Variants in PPARGC1A observed in about 807,000 individuals in gnomAD.
The protein encoded by PPARGC1A is peroxisome proliferator-activated receptor gamma coactivator 1-alpha.
In PPARGC1A, 25 loss-of-function variants were observed where a neutral mutation model predicts 88.7. That is an observed-to-expected ratio of 0.28 (90% CI 0.21 to 0.39). The LOEUF (loss-of-function observed/expected upper bound fraction) is 0.39. Among genes scored for constraint, PPARGC1A ranks in the 10% least tolerant of loss-of-function variants. The pLI, the probability that PPARGC1A is intolerant of heterozygous loss-of-function variation, is 1.00. For synonymous variants in PPARGC1A, 363 were observed against 355.6 expected (o/e 1.02, Z -0.24); for missense variants, 880 against 968.7 (o/e 0.91, Z 1.22).
chr4:23,831,465 A>G, intron 3 of PPARGC1A, 92 bp downstream of exon 3: 1 of 1,203,346 alleles, frequency 8.3e-7, no homozygotes, highest in Admixed American at 2.2e-5. Flanking sequence ...CTAAATGAAA[A>G]AATCCAAACC....
chr4:23,846,671 G>A (rs1200756748), intron 2 of PPARGC1A, among the ~76,000 whole-genome samples: 3 of 152,106 alleles, frequency 2.0e-5, no homozygotes, highest in Non-Finnish European at 4.4e-5. Flanking sequence ...CACCTAGCAT[G>A]TGTCGGACAC....
At chr4:24,437,919 C>G in the PPARGC1A span, among the ~76,000 whole-genome samples, 2 of 152,072 alleles carry the variant, frequency 1.3e-5, no homozygotes, top group African/African-American at 4.8e-5. Flanking sequence ...ACAGGTGATC[C>G]ACCCTCCTCA....
chr4:24,077,449 G>A, the PPARGC1A span, among the ~76,000 whole-genome samples: 3 of 151,848 alleles, frequency 2.0e-5, no homozygotes, highest in Non-Finnish European at 4.4e-5. Context: ...TATTGATTTC[G>A]AGGTAAGAGT....
chr4:24,154,067 G>T, the PPARGC1A span, among the ~76,000 whole-genome samples: 3 of 152,194 alleles, frequency 2.0e-5, no homozygotes, highest in Admixed American at 1.3e-4. Context: ...CTTTTCCCAT[G>T]CAGACACTTG....
the PPARGC1A span, among the ~76,000 whole-genome samples, chr4:24,233,097 G>A: frequency 7.5e-6 from 1 of 133,540 alleles, no homozygotes; most frequent in Non-Finnish European, 1.6e-5. Context: ...TCTTCTTAAG[G>A]AAAGGCCAGA....
chr4:24,459,763 C>G, the PPARGC1A span, among the ~76,000 whole-genome samples: 1 of 152,198 alleles, frequency 6.6e-6, no homozygotes, highest in Non-Finnish European at 1.5e-5. Flanking sequence ...TGAAATCCAG[C>G]ATGAGCGACA....
At chr4:24,324,108 AC>A in the PPARGC1A span, among the ~76,000 whole-genome samples, 1 of 151,992 alleles carries the variant, frequency 6.6e-6, no homozygotes, top group Non-Finnish European at 1.5e-5. Flanking sequence ...GTGATTATAC[AC>A]CCACGTTTCA....
the PPARGC1A span, among the ~76,000 whole-genome samples, chr4:24,277,064 C>T: frequency 6.6e-6 from 1 of 152,144 alleles, no homozygotes; most frequent in Non-Finnish European, 1.5e-5. Context: ...TGGAAACATA[C>T]ACATGTAGAC....
chr4:24,441,488 G>A, the PPARGC1A span, among the ~76,000 whole-genome samples: 1 of 152,118 alleles, frequency 6.6e-6, no homozygotes, highest in African/African-American at 2.4e-5. Context: ...GGACCATCAG[G>A]GCCAGAAGTA....
chr4:24,434,190 A>G, the PPARGC1A span, among the ~76,000 whole-genome samples: 1 of 152,234 alleles, frequency 6.6e-6, no homozygotes, highest in Non-Finnish European at 1.5e-5. Context: ...GGGCTTTGCT[A>G]TGAACTCACC....
the PPARGC1A span, among the ~76,000 whole-genome samples, chr4:24,294,074 A>G: frequency 6.6e-6 from 1 of 152,168 alleles, no homozygotes; most frequent in Non-Finnish European, 1.5e-5. Flanking sequence ...CCCCAAACAC[A>G]CAGCTACTGA....
In PPARGC1A at chr4:23,819,221, C is replaced by T. The variant is rs370941617; in HGVS notation, c.878-4616G>A. 7.2e-5 allele frequency among the ~76,000 whole-genome samples: 11 copies of T among 152,208 alleles called. No homozygotes were observed. The East Asian group carries it at 2.1e-3, about 30-fold the overall frequency. On this transcript the variant is annotated intron_variant, in intron 7 of 12. Coordinates refer to ENST00000264867, the MANE Select transcript of PPARGC1A (RefSeq NM_013261.5). ...GTGTTCTCTCCTTCTGCACCTACTT[C>T]CCCAGGACTCACTGGAGCTCCACAA...
chr4:23,921,575 G>A, the PPARGC1A span, among the ~76,000 whole-genome samples: 9 of 152,156 alleles, frequency 5.9e-5, no homozygotes, highest in African/African-American at 1.9e-4. Context: ...TTTCACTGGC[G>A]ACAATAGAAC....
the PPARGC1A span, among the ~76,000 whole-genome samples, chr4:24,468,923 T>C: frequency 6.6e-6 from 1 of 152,222 alleles, no homozygotes; most frequent in Non-Finnish European, 1.5e-5. Context: ...AGGTTCCTTT[T>C]ACATGGTATT....
the PPARGC1A span, among the ~76,000 whole-genome samples, chr4:23,988,958 A>G: frequency 6.8e-6 from 1 of 147,754 alleles, no homozygotes; most frequent in Non-Finnish European, 1.5e-5. Context: ...AATATATACT[A>G]TATGTAATAT....
intron 1 of PPARGC1A, 77 bp downstream of exon 1, chr4:23,889,827 A>C: frequency 1.3e-6 from 2 of 1,556,574 alleles, no homozygotes; most frequent in East Asian, 2.3e-5. Context: ...GCCCAAGCCC[A>C]TCCCCCCTTA....
At chr4:24,088,032 T>C in the PPARGC1A span, among the ~76,000 whole-genome samples, 1 of 152,136 alleles carries the variant, frequency 6.6e-6, no homozygotes, top group South Asian at 2.1e-4. Flanking sequence ...AGTTAAAGTA[T>C]GAATGATAAA....
At chr4:24,113,799 C>T in the PPARGC1A span, among the ~76,000 whole-genome samples, 7 of 151,924 alleles carry the variant, frequency 4.6e-5, no homozygotes, top group Non-Finnish European at 8.8e-5. Flanking sequence ...GACCATGTGG[C>T]AATAAACATG....
At chr4:23,928,729 G>A in the PPARGC1A span, among the ~76,000 whole-genome samples, 1 of 134,282 alleles carries the variant, frequency 7.4e-6, no homozygotes, top group Non-Finnish European at 1.5e-5. Flanking sequence ...ACTGGATAAA[G>A]GAAATGTGGT....
Sources: allele counts gnomAD v4.1 joint callset (sites outside exome capture counted in the v4.1 genomes callset), GRCh38; gene constraint gnomAD v4.1.1; transcripts MANE v1.5; gene names NCBI Gene and HGNC (gene_info 2026-07-23, HGNC 2026-07-21).